TACC2: variants seen among roughly 807,000 people sequenced by gnomAD.
The protein encoded by TACC2 is transforming acidic coiled-coil containing protein 2, also known as transforming acidic coiled-coil-containing protein 2.
TACC2 carries 137 observed loss-of-function variants against 227.3 expected under a neutral mutation model. The observed-to-expected ratio is 0.60, with a 90% confidence interval of 0.52 to 0.69. The LOEUF (loss-of-function observed/expected upper bound fraction) is 0.69. Among genes scored for constraint, TACC2 ranks in the 30% least tolerant of loss-of-function variants. The probability of loss-of-function intolerance (pLI) is 0.00; values close to 1 mark genes in which losing one functional copy is unlikely to be tolerated. For synonymous variants in TACC2, 1,523 were observed against 1,487.5 expected (o/e 1.02, Z -0.55); for missense variants, 3,470 against 3,694.4 (o/e 0.94, Z 1.57).
At position 122,036,626 on chromosome 10, in the gene TACC2, G is replaced by A. The variant is rs536092949; in HGVS notation, c.34-13812G>A. On this transcript the variant is annotated intron_variant, in intron 2 of 22. Coordinates refer to ENST00000369005, the MANE Select transcript of TACC2 (RefSeq NM_206862.4). ...AGTGATTCTCATGCCTCAGCCTCCC[G>A]AGTAGCTGGGATTACAGGCGTGCAC... Among the ~76,000 whole-genome samples, 300 of 151,510 alleles carry A rather than the reference G, an allele frequency of 2.0e-3. 2 individuals carry two copies. Among genetic ancestry groups the A allele is most frequent in the Non-Finnish European group, 3.3e-3 (225 of 67,916 alleles).
At chr10:122,073,880 C>A (rs1392003772) in intron 3 of TACC2, among the ~76,000 whole-genome samples, 1 of 151,958 alleles carries the variant, frequency 6.6e-6, no homozygotes, top group Non-Finnish European at 1.5e-5. Flanking sequence ...CCTGGGTTCA[C>A]ACCATTCTCC....
chr10:122,158,826 G>A (rs181483285), intron 7 of TACC2, among the ~76,000 whole-genome samples: 3 of 152,308 alleles, frequency 2.0e-5, no homozygotes, highest in East Asian at 1.9e-4. Context: ...GCAAATAAAC[G>A]AACACAACCA....
chr10:122,123,034 T>G (rs1592272149), intron 5 of TACC2, among the ~76,000 whole-genome samples: 1 of 151,924 alleles, frequency 6.6e-6, no homozygotes, highest in South Asian at 2.1e-4. Flanking sequence ...TTTGAGAGAG[T>G]TTCACTCACC....
At chr10:122,061,491 G>T (rs183892340) in intron 3 of TACC2, among the ~76,000 whole-genome samples, 35 of 152,216 alleles carry the variant, frequency 2.3e-4, no homozygotes, top group South Asian at 6.2e-4. Context: ...ACAAAGTGCC[G>T]ACTATCACAG....
At chr10:122,230,745 A>T (rs944219493) in intron 16 of TACC2, among the ~76,000 whole-genome samples, 1 of 152,230 alleles carries the variant, frequency 6.6e-6, no homozygotes, top group Non-Finnish European at 1.5e-5. Flanking sequence ...TTGGATAGAA[A>T]ACTGGTTAGC....
At chr10:122,088,643 A>G (rs2080355829) in intron 5 of TACC2, 52 bp downstream of exon 5, 1 of 1,585,422 alleles carries the variant, frequency 6.3e-7, no homozygotes, top group Non-Finnish European at 8.6e-7. Flanking sequence ...CCTTAGATAC[A>G]GACACACTGG....
chr10:122,002,396 ATCACTCATG>A (rs1954499029), intron 1 of TACC2, among the ~76,000 whole-genome samples: 1 of 136,844 alleles, frequency 7.3e-6, no homozygotes, highest in Non-Finnish European at 1.7e-5. Flanking sequence ...ATATTTTTGC[ATCACTCATG>A]TTCATGAGTG....
chr10:122,074,690 C>T (rs935686344), intron 3 of TACC2, among the ~76,000 whole-genome samples: 2 of 152,040 alleles, frequency 1.3e-5, no homozygotes, highest in Non-Finnish European at 2.9e-5. Flanking sequence ...CAGCACCTTG[C>T]CTACCAGACT....
chr10:122,073,126 A>AAAAAAAAAAAT (rs1383487943), intron 3 of TACC2, among the ~76,000 whole-genome samples: 5 of 71,002 alleles, frequency 7.0e-5, no homozygotes, highest in African/African-American at 3.1e-4. Context: ...AAAAAAAAAA[A>AAAAAAAAAAAT]ATATATATAT....
chr10:122,220,405 A>G (rs1032029292), intron 11 of TACC2, among the ~76,000 whole-genome samples: 2 of 152,238 alleles, frequency 1.3e-5, no homozygotes, highest in African/African-American at 4.8e-5. Flanking sequence ...TTAAGCTGGT[A>G]GACAATAAAA....
chr10:122,224,805 G>A lies in TACC2; in HGVS notation c.7608+18G>A, dbSNP rs756428980. The stretch of plus-strand genomic sequence containing the variant: ...CCTTACCTGTAAGTTCGTCTGCCTC[G>A]GGCCACTTAGGGGACTCGCTTTCCT... On this transcript the variant is annotated intron_variant, in intron 12 of 22. Coordinates refer to ENST00000369005, the MANE Select transcript of TACC2 (RefSeq NM_206862.4). 2.6e-5 allele frequency: 42 copies of A among 1,608,378 alleles called. No homozygotes were observed. Among genetic ancestry groups the A allele is most frequent in the African/African-American group, 1.3e-5 (1 of 74,710 alleles).
chr10:122,160,726 C>G (rs2092770738), intron 7 of TACC2, among the ~76,000 whole-genome samples: 1 of 152,092 alleles, frequency 6.6e-6, no homozygotes, highest in Admixed American at 6.6e-5. Flanking sequence ...TAGCACAGCC[C>G]TTTTATCATT....
intron 5 of TACC2, among the ~76,000 whole-genome samples, chr10:122,124,152 A>G (rs958908525): frequency 2.6e-5 from 4 of 152,102 alleles, no homozygotes; most frequent in Non-Finnish European, 5.9e-5. Flanking sequence ...ATAATACCGG[A>G]GGTCTAAGGT....
At chr10:122,217,659 C>CT (rs1386739371) in intron 11 of TACC2, among the ~76,000 whole-genome samples, 1 of 152,046 alleles carries the variant, frequency 6.6e-6, no homozygotes, top group Non-Finnish European at 1.5e-5. Flanking sequence ...GGGCTGGTCT[C>CT]TAACTCCTGA....
rs554941149 is a variant in TACC2, at chr10:122,035,092, T to C, written c.33+13078T>C. ...GGAGACAAGAAGCCATCTTGGGGGA[T>C]CCTAGTCCAGGCTCCTACGGGTGTC... On this transcript the variant is annotated intron_variant, in intron 2 of 22. Transcript: ENST00000369005. Among the ~76,000 whole-genome samples the C allele has an allele frequency of 2.6e-5, 4 of 152,284 alleles. No individual in the cohort carries two copies. The South Asian group carries it at 8.3e-4, about 32-fold the overall frequency.
At chr10:122,059,078 G>GTT (rs1203758709) in intron 3 of TACC2, among the ~76,000 whole-genome samples, 1 of 131,356 alleles carries the variant, frequency 7.6e-6, no homozygotes, top group Non-Finnish European at 1.6e-5. Flanking sequence ...TGTTGTTGTT[G>GTT]TTGTTGTTGT....
chr10:122,017,898 G>A (rs112447542), intron 1 of TACC2, among the ~76,000 whole-genome samples: 2,904 of 147,436 alleles, frequency 0.02, 56 homozygotes, highest in Non-Finnish European at 0.03. Flanking sequence ...GGGGGAAGAG[G>A]CAAACAGTCT....
At chr10:122,156,767 T>C (rs2092511855) in intron 7 of TACC2, among the ~76,000 whole-genome samples, 1 of 152,192 alleles carries the variant, frequency 6.6e-6, no homozygotes, top group African/African-American at 2.4e-5. Flanking sequence ...GCAGTTTTGC[T>C]TTCTGGTTTT....
intron 11 of TACC2, among the ~76,000 whole-genome samples, chr10:122,217,437 CTTTTTTTTTTT>C (rs35233150): frequency 3.0e-3 from 279 of 93,266 alleles, no homozygotes; most frequent in Admixed American, 5.4e-3. Context: ...TTTCTTTTTT[CTTTTTTTTTTT>C]TTTTTTTTTT....
Sources: gnomAD v4.1 joint callset for allele counts (sites outside exome capture counted in the v4.1 genomes callset) on GRCh38, gnomAD v4.1.1 for gene constraint, MANE v1.5 for transcripts, NCBI Gene and HGNC (gene_info 2026-07-23, HGNC 2026-07-21) for gene names.